The following PXDNL variants were observed in gnomAD, a reference collection of about 807,000 sequenced individuals.
PXDNL encodes peroxidasin like.
PXDNL carries 145 observed loss-of-function variants against 150.8 expected under a neutral mutation model. That is an observed-to-expected ratio of 0.96 (90% CI 0.84 to 1.10). The LOEUF is 1.10. Among genes scored for constraint, PXDNL ranks in the 50% least tolerant of loss-of-function variants. PXDNL has a pLI of 0.00. For synonymous variants in PXDNL, 757 were observed against 725.7 expected (o/e 1.04, Z -0.69); for missense variants, 2,087 against 1,873.9 (o/e 1.11, Z -2.10).
At chr8:51,378,233 G>A (rs1807405988) in intron 17 of PXDNL, among the ~76,000 whole-genome samples, 1 of 151,582 alleles carries the variant, frequency 6.6e-6, no homozygotes, top group Non-Finnish European at 1.5e-5. Context: ...TAATCTGGTG[G>A]GGACTTGGAG....
Position 51,408,022 on chromosome 8 carries a change from C to G in PXDNL, c.3557+45G>C, listed in dbSNP as rs373602876. On this transcript the variant is annotated intron_variant, in intron 17 of 22. Transcript: ENST00000356297. ...ACAAAATGACCTTTAACACTTTTAC[C>G]TCTCCTAAGAAATGTTTAAATCCAG... 2.7e-6 allele frequency: 4 copies of G among 1,508,276 alleles called. No individual in the cohort carries two copies. The South Asian group carries it at 5.4e-5, about 20-fold the overall frequency. 93.4% of individuals were successfully genotyped at this position (1,508,276 alleles called of 1,614,324 possible). A position where few individuals can be genotyped will look rare whatever the true frequency, so the allele number is the denominator to read the frequency against.
rs530378232 is a variant in PXDNL at position 51,385,796 on chromosome 8, G to T, written c.3558-11065C>A. On this transcript the variant is annotated intron_variant, in intron 17 of 22. Coordinates refer to ENST00000356297, the MANE Select transcript of PXDNL (RefSeq NM_144651.5). ...CTGGTACTGAGTAAGTCTCACAAGA[G>T]CTAATGGTTTTATAAGGGGTTTCTC... 2.1e-3 allele frequency among the ~76,000 whole-genome samples: 314 copies of T among 152,236 alleles called. 1 individual carries two copies. The highest frequency in any genetic ancestry group is 3.5e-3 in the Non-Finnish European group (237 of 68,026).
intron 19 of PXDNL, among the ~76,000 whole-genome samples, chr8:51,346,584 C>G (rs1341331863): frequency 6.6e-6 from 1 of 152,132 alleles, no homozygotes; most frequent in African/African-American, 2.4e-5. Context: ...AGATGTAATT[C>G]CCAGTGTTGG....
intron 12 of PXDNL, among the ~76,000 whole-genome samples, chr8:51,443,290 A>G (rs1809596943): frequency 6.6e-6 from 1 of 152,222 alleles, no homozygotes; most frequent in South Asian, 2.1e-4. Flanking sequence ...GTGAAAAGAC[A>G]CTGTCAAAAA....
At chr8:51,649,311 A>G (rs1047095272) in intron 2 of PXDNL, among the ~76,000 whole-genome samples, 1 of 152,160 alleles carries the variant, frequency 6.6e-6, no homozygotes, top group Non-Finnish European at 1.5e-5. Flanking sequence ...TTGAAAGAGG[A>G]AAGTCGGCAA....
intron 3 of PXDNL, among the ~76,000 whole-genome samples, chr8:51,577,999 G>GAGGAAGGAAGGAAGGAAGGAAGGAAGGA (rs200324232): frequency 3.2e-5 from 1 of 31,524 alleles, no homozygotes; most frequent in Non-Finnish European, 6.2e-5. Flanking sequence ...AAGAAAGAAA[G>GAGGAAGGAAGGAAGGAAGGAAGGAAGGA]AGGAAGGAAG....
At chr8:51,342,680 C>T (rs1563365693) in intron 20 of PXDNL, among the ~76,000 whole-genome samples, 1 of 152,094 alleles carries the variant, frequency 6.6e-6, no homozygotes. Context: ...ACGTCAGGTC[C>T]ATGTAGTTAG....
At chr8:51,460,307 A>G (rs1810045460) in intron 8 of PXDNL, among the ~76,000 whole-genome samples, 1 of 151,044 alleles carries the variant, frequency 6.6e-6, no homozygotes, top group Admixed American at 6.6e-5. Flanking sequence ...ATTATAGTAT[A>G]GTTGTAAAGT....
At chr8:51,348,832 A>G (rs1490748488) in intron 19 of PXDNL, among the ~76,000 whole-genome samples, 4 of 152,210 alleles carry the variant, frequency 2.6e-5, no homozygotes, top group African/African-American at 9.6e-5. Flanking sequence ...GCTTTTCAAC[A>G]GAAGAGACAG....
intron 1 of PXDNL, among the ~76,000 whole-genome samples, chr8:51,780,528 T>G (rs941477535): frequency 1.2e-5 from 1 of 86,420 alleles, no homozygotes; most frequent in Non-Finnish European, 3.7e-5. Flanking sequence ...TCAGTCAGTT[T>G]GGGCTGCTGT....
chr8:51,760,845 C>CTTTTTTTTTTTTTTTTTTTTTTTT lies in PXDNL; in HGVS notation c.164+48312_164+48335dup, dbSNP rs71237237. Among the ~76,000 whole-genome samples the CTTTTTTTTTTTTTTTTTTTTTTTT allele has an allele frequency of 4.4e-4, 20 of 45,490 alleles. 8 individuals carry two copies. The highest frequency in any genetic ancestry group is 1.5e-3 in the Admixed American group (4 of 2,736). 29.8% of individuals were successfully genotyped at this position (45,490 alleles called of 152,430 possible). Reference sequence around the variant, plus strand: ...GTTAGCCTGAAGGAAATCACTTAAACTTTTTTTTTTTTTTTTTTTTTTTTT... The same window carrying CTTTTTTTTTTTTTTTTTTTTTTTT: ...GTTAGCCTGAAGGAAATCACTTAAACTTTTTTTTTTTTTTTTTTTTTTTTTTTTTTTTTTTTTTTTTTTTTTTTT... On this transcript the variant is annotated intron_variant, in intron 1 of 22. Transcript: ENST00000356297.
chr8:51,416,218 G>A (rs1013454903), intron 14 of PXDNL, among the ~76,000 whole-genome samples: 4 of 152,200 alleles, frequency 2.6e-5, no homozygotes, highest in African/African-American at 9.6e-5. Flanking sequence ...CGTGGATTTG[G>A]AAGTAAGAAG....
chr8:51,441,740 C>T (rs1353668266), intron 12 of PXDNL, among the ~76,000 whole-genome samples: 2 of 152,170 alleles, frequency 1.3e-5, no homozygotes, highest in Non-Finnish European at 2.9e-5. Context: ...CTTAAGCTAT[C>T]TTTCAAGTAA....
At chr8:51,699,803 G>C (rs935934118) in intron 1 of PXDNL, among the ~76,000 whole-genome samples, 1 of 152,180 alleles carries the variant, frequency 6.6e-6, no homozygotes, top group Non-Finnish European at 1.5e-5. Context: ...GAAGGCCTGA[G>C]AAGAGGGAAA....
intron 17 of PXDNL, among the ~76,000 whole-genome samples, chr8:51,403,943 G>C (rs1196350304): frequency 6.6e-6 from 1 of 152,170 alleles, no homozygotes; most frequent in African/African-American, 2.4e-5. Flanking sequence ...GACGTGTTCA[G>C]AGTTTCTTCC....
Position 51,408,996 on chromosome 8 carries a change from C to T in PXDNL, c.2628G>A (p.Ala876=). ...SPACASGRPS[A]TVDSVYAREQ... ...CTCGTGCATAGACTGAATCCACCGT[C>T]GCAGAGGGACGGCCGCTGGCACACG... The change falls in exon 17 of 23, where the codon GCG becomes GCA. Residue 876 remains alanine, a synonymous_variant. Transcript: ENST00000356297. The T allele has an allele frequency of 6.2e-7, 1 of 1,611,402 alleles. No homozygotes were observed. Among genetic ancestry groups the T allele is most frequent in the South Asian group, 1.1e-5 (1 of 91,076 alleles).
intron 7 of PXDNL, among the ~76,000 whole-genome samples, chr8:51,472,526 T>C (rs1810370440): frequency 6.6e-6 from 1 of 152,220 alleles, no homozygotes; most frequent in South Asian, 2.1e-4. Flanking sequence ...GGATCTCCAA[T>C]GAAGTAAATT....
At chr8:51,485,436 G>A (rs1810707431) in intron 5 of PXDNL, among the ~76,000 whole-genome samples, 3 of 152,124 alleles carry the variant, frequency 2.0e-5, no homozygotes, top group South Asian at 2.1e-4. Context: ...CCTGACTTTC[G>A]GATTTCCATG....
At chr8:51,478,061 C>A (rs1160466030) in intron 6 of PXDNL, among the ~76,000 whole-genome samples, 3 of 151,912 alleles carry the variant, frequency 2.0e-5, no homozygotes, top group Non-Finnish European at 4.4e-5. Context: ...ATATGATAAT[C>A]TGAGTAATCT....
Sources: allele counts gnomAD v4.1 joint callset (sites outside exome capture counted in the v4.1 genomes callset), GRCh38; gene constraint gnomAD v4.1.1; transcripts MANE v1.5; gene names NCBI Gene and HGNC (gene_info 2026-07-23, HGNC 2026-07-21).